AHCYL2: variants seen among roughly 807,000 people sequenced by gnomAD.
AHCYL2 encodes the protein adenosylhomocysteinase like 2, also known as S-adenosylhomocysteine hydrolase-like protein 2.
A neutral mutation model predicts 81.4 loss-of-function variants in AHCYL2; 28 were observed. The observed-to-expected ratio is 0.34, with a 90% CI of 0.25 to 0.47. AHCYL2 has a LOEUF of 0.47. AHCYL2 is among the 20% of genes least tolerant of loss of function. The probability of loss-of-function intolerance (pLI) is 1.00; values close to 1 mark genes in which losing one functional copy is unlikely to be tolerated. For synonymous variants in AHCYL2, 272 were observed against 290.2 expected, an observed-to-expected ratio of 0.94 and a Z score of 0.64; for missense variants, 551 against 785.1, an observed-to-expected ratio of 0.70 and a Z score of 3.56.
At chr7:129,351,641 T>C (rs1048133956) in intron 1 of AHCYL2, 3 of 152,198 alleles carry the variant, frequency 2.0e-5, no homozygotes, top group Non-Finnish European at 4.4e-5. Context: ...AGAGAAGACC[T>C]TCTGAGGCAC....
At chr7:129,310,697 A>G (rs1393079840) in intron 1 of AHCYL2, among the ~76,000 whole-genome samples, 1 of 152,192 alleles carries the variant, frequency 6.6e-6, no homozygotes, top group Admixed American at 6.5e-5. Flanking sequence ...TTTGTAGGGA[A>G]GCAAAACAAG....
At position 129,428,416 on chromosome 7, in the gene AHCYL2, T is replaced by A. The variant is rs1797448065; in HGVS notation, c.*1371T>A. The A allele has an allele frequency of 1.3e-5, 2 of 152,364 alleles. No homozygotes were observed. The highest frequency in any genetic ancestry group is 3.9e-4 in the East Asian group (2 of 5,190). 9.4% of individuals were successfully genotyped at this position (152,364 alleles called of 1,614,324 possible). ...AAATTGGATTCCTTTTGGAGACTGA[T>A]CTGTTGGTCTCAGGCATTTCATTAG... On this transcript the variant is annotated 3_prime_UTR_variant, in exon 17 of 17. Transcript: ENST00000325006.
intron 1 of AHCYL2, among the ~76,000 whole-genome samples, chr7:129,250,092 A>G (rs1795199679): frequency 6.6e-6 from 1 of 152,142 alleles, no homozygotes; most frequent in Admixed American, 6.5e-5. Flanking sequence ...GCTTGAGGCC[A>G]GAGGTTGAGA....
At chr7:129,339,894 CTCTTT>C (rs202007075) in intron 1 of AHCYL2, among the ~76,000 whole-genome samples, 3,502 of 145,870 alleles carry the variant, frequency 0.024, 70 homozygotes, top group Admixed American at 0.056. Context: ...TCTTGTTGCT[CTCTTT>C]TTCCTTTTCC....
At chr7:129,235,887 T>G (rs1333022713) in intron 1 of AHCYL2, among the ~76,000 whole-genome samples, 5 of 152,222 alleles carry the variant, frequency 3.3e-5, no homozygotes, top group Non-Finnish European at 7.3e-5. Context: ...GATGCACATT[T>G]ACCTTAACTT....
chr7:129,332,690 A>G (rs577722465), intron 1 of AHCYL2, among the ~76,000 whole-genome samples: 144 of 152,264 alleles, frequency 9.5e-4, no homozygotes, highest in Non-Finnish European at 1.3e-3. Flanking sequence ...GGATGAACAT[A>G]ATTTGAGCCG....
chr7:129,408,521 A>G (rs944662392), intron 10 of AHCYL2, among the ~76,000 whole-genome samples: 2 of 152,160 alleles, frequency 1.3e-5, no homozygotes, highest in African/African-American at 4.8e-5. Context: ...AATAGATGAG[A>G]TTATGGGTGC....
intron 1 of AHCYL2, among the ~76,000 whole-genome samples, chr7:129,369,214 CT>C (rs1794252596): frequency 8.3e-6 from 1 of 120,378 alleles, no homozygotes; most frequent in African/African-American, 3.7e-5. Flanking sequence ...CGAATTTCAA[CT>C]TTTAAAGACA....
Position 129,379,643 on chromosome 7 carries a change from C to A in AHCYL2, c.369C>A (p.Ile123=). 1 of 1,613,442 alleles carries A rather than the reference C, an allele frequency of 6.2e-7. No individual in the cohort carries two copies. Among genetic ancestry groups the A allele is most frequent in the Non-Finnish European group, 8.5e-7 (1 of 1,179,726 alleles). Residue 123 remains isoleucine (I), a synonymous_variant, in exon 2 of 17, where the codon ATC becomes ATA. Coordinates refer to ENST00000325006, the MANE Select transcript of AHCYL2 (RefSeq NM_015328.4). ...ACTAGGTTTCTTTTTCTTAGCAGATCCAGTTTGCTGACCAGAAGCAAGAAT... is the reference window on the plus strand; with the variant it reads ...ACTAGGTTTCTTTTTCTTAGCAGATACAGTTTGCTGACCAGAAGCAAGAAT... ...TEAPRTVKKQ[I]QFADQKQEFN... is the part of the protein sequence containing the mutation.
chr7:129,244,932 T>G (rs184022454), intron 1 of AHCYL2, among the ~76,000 whole-genome samples: 41 of 152,276 alleles, frequency 2.7e-4, no homozygotes, highest in Middle Eastern at 6.8e-3. Context: ...TCCTAATGTA[T>G]TCCTTATTTT....
chr7:129,226,050 C>G (rs560977747), intron 1 of AHCYL2, among the ~76,000 whole-genome samples: 13 of 152,226 alleles, frequency 8.5e-5, no homozygotes, highest in Non-Finnish European at 1.6e-4. Context: ...AGATTCTCCT[C>G]ACTCTTTCGT....
chr7:129,404,038 T>G (rs79741396), intron 7 of AHCYL2, among the ~76,000 whole-genome samples: 1 of 151,448 alleles, frequency 6.6e-6, no homozygotes, highest in African/African-American at 2.4e-5. Context: ...AGGGGGCAGG[T>G]GGGAGAACAA....
Position 129,406,311 on chromosome 7 carries a change from C to A in AHCYL2, c.1207-67C>A. On this transcript the variant is annotated intron_variant, in intron 9 of 16. Transcript: ENST00000325006. The surrounding 1 kb of genome is among the most constrained non-coding windows in gnomAD (Gnocchi z 4.3). ...GGGTGGAAAGAGGGGGTGCACTTTA[C>A]CAGAAGCTTTGAGAAATGGTTTTCT... 6.8e-7 allele frequency: 1 copy of A among 1,466,538 alleles called. No individual in the cohort carries two copies. The highest frequency in any genetic ancestry group is 1.1e-5 in the South Asian group (1 of 87,498). The allele number at this position is 1,466,538 out of a possible 1,614,324, so 90.8% of individuals were successfully genotyped here.
chr7:129,267,961 A>G (rs144251111), intron 1 of AHCYL2, among the ~76,000 whole-genome samples: 2 of 152,236 alleles, frequency 1.3e-5, no homozygotes, highest in African/African-American at 4.8e-5. Context: ...GTGGCATATG[A>G]TCTGTTTTAA....
chr7:129,370,942 C>T (rs1017308801), intron 1 of AHCYL2, among the ~76,000 whole-genome samples: 5 of 152,192 alleles, frequency 3.3e-5, no homozygotes, highest in East Asian at 1.9e-4. Flanking sequence ...TCAGATACCA[C>T]GTAAGTCATT....
intron 1 of AHCYL2, among the ~76,000 whole-genome samples, chr7:129,310,709 TG>T (rs1408015328): frequency 3.9e-5 from 6 of 152,144 alleles, no homozygotes; most frequent in African/African-American, 1.4e-4. Context: ...CAAAACAAGC[TG>T]GGGTAGAAAA....
At position 129,364,120 on chromosome 7, in the gene AHCYL2, T is replaced by A. The variant is rs1794024336; in HGVS notation, c.364-15518T>A. Among the ~76,000 whole-genome samples the A allele has an allele frequency of 2.6e-5, 4 of 151,874 alleles. No individual in the cohort carries two copies. In the South Asian group the frequency reaches 8.3e-4, roughly 32 times the overall value. The stretch of plus-strand genomic sequence containing the variant: ...CAGGTGTGGTGGTGCACACCTGTAG[T>A]CTCAGCTACTCAGGAGGTTGAGGTG... On this transcript the variant is annotated intron_variant, in intron 1 of 16. Transcript: ENST00000325006.
At chr7:129,277,871 T>G (rs1056297134) in intron 1 of AHCYL2, among the ~76,000 whole-genome samples, 6 of 152,256 alleles carry the variant, frequency 3.9e-5, no homozygotes, top group Admixed American at 3.3e-4. Context: ...ATTTCCAGTT[T>G]GAGGCTATCA....
chr7:129,292,684 T>A (rs1472759450), intron 1 of AHCYL2, among the ~76,000 whole-genome samples: 2 of 151,996 alleles, frequency 1.3e-5, no homozygotes, highest in Non-Finnish European at 2.9e-5. Flanking sequence ...GGAGAATTGC[T>A]GGAACCCAGG....
Sources: allele counts gnomAD v4.1 joint callset (sites outside exome capture counted in the v4.1 genomes callset), GRCh38; gene constraint gnomAD v4.1.1; non-coding constraint Gnocchi (gnomAD v3.1); transcripts MANE v1.5; gene names NCBI Gene and HGNC (gene_info 2026-07-23, HGNC 2026-07-21).